CNN2: variants seen among roughly 807,000 people sequenced by gnomAD.
CNN2 encodes the protein calponin 2, also known as calponin-2.
Under a neutral mutation model 31.0 loss-of-function variants are expected in CNN2, and 21 were observed. The observed-to-expected ratio is 0.68, with a 90% CI of 0.48 to 0.98. The LOEUF is 0.98. CNN2 is among the 50% of genes least tolerant of loss of function. The pLI is 0.00. For missense variants in CNN2, 399 were observed against 427.3 expected (o/e 0.93, Z 0.58); for synonymous variants, 165 against 179.6 (o/e 0.92, Z 0.65).
chr19:1,029,926 T>C (rs948615188), intron 1 of CNN2, among the ~76,000 whole-genome samples: 2 of 152,108 alleles, frequency 1.3e-5, no homozygotes, highest in Non-Finnish European at 2.9e-5. Flanking sequence ...CTCGAACTCC[T>C]GACCTCAGAT....
chr19:1,031,303 C>T (rs1448774290), intron 2 of CNN2, 111 bp downstream of exon 2: 3 of 683,872 alleles, frequency 4.4e-6, no homozygotes, highest in Non-Finnish European at 5.7e-6. Flanking sequence ...CTGGCTCATG[C>T]CTGTAATCCC....
At position 1,036,773 on chromosome 19, in the gene CNN2, T is replaced by TTA. The variant is rs1187876480; in HGVS notation, c.654+211_654+212insTA. The TTA allele has an allele frequency of 6.2e-6, 4 of 643,556 alleles. No individual in the cohort carries two copies. The African/African-American group carries it at 7.2e-5, about 12-fold the overall frequency. The allele number at this position is 643,556 out of a possible 1,614,324, so 39.9% of individuals were successfully genotyped here. On this transcript the variant is annotated intron_variant, in intron 6 of 6. Coordinates refer to ENST00000263097, the MANE Select transcript of CNN2 (RefSeq NM_004368.4). Reference sequence around the variant, plus strand: ...CCTGGCTGTGGGTCTCTAGGGAAGTTACTACCTCACCCTGTGTCATTTTCC... The same window carrying TTA: ...CCTGGCTGTGGGTCTCTAGGGAAGTTTAACTACCTCACCCTGTGTCATTTTCC...
chr19:1,029,340 T>C (rs1414181223), intron 1 of CNN2, among the ~76,000 whole-genome samples: 1 of 80,756 alleles, frequency 1.2e-5, no homozygotes, highest in Non-Finnish European at 2.2e-5. Context: ...CAGGGGACCC[T>C]ACCCAAATCA....
intron 1 of CNN2, among the ~76,000 whole-genome samples, chr19:1,030,552 G>C (rs993970022): frequency 6.6e-6 from 1 of 152,170 alleles, no homozygotes; most frequent in Admixed American, 6.5e-5. Flanking sequence ...CCTGAACCGG[G>C]GAGGCGGAGC....
chr19:1,030,839 CG>C (rs1263070195), intron 1 of CNN2: 3 of 455,540 alleles, frequency 6.6e-6, no homozygotes, highest in African/African-American at 4.0e-5. Context: ...AGTTCTAAGC[CG>C]GTTGTCGGCC....
chr19:1,030,163 A>C (rs78812031), intron 1 of CNN2, among the ~76,000 whole-genome samples: 31,916 of 151,942 alleles, frequency 0.21, 4,127 homozygotes, highest in African/African-American at 0.37. Flanking sequence ...GTGCACACCC[A>C]CTGCCCAGGA....
At chr19:1,029,672 G>A (rs1239261552) in intron 1 of CNN2, among the ~76,000 whole-genome samples, 1 of 151,898 alleles carries the variant, frequency 6.6e-6, no homozygotes, top group South Asian at 2.1e-4. Flanking sequence ...AGCAGGGAGA[G>A]GGATTTGATT....
At chr19:1,030,054 T>A (rs959315382) in intron 1 of CNN2, among the ~76,000 whole-genome samples, 2 of 152,132 alleles carry the variant, frequency 1.3e-5, no homozygotes, top group South Asian at 4.1e-4. Flanking sequence ...CTACACGACC[T>A]GCCCCCATGC....
intron 6 of CNN2, 134 bp from the exon 7 acceptor site, chr19:1,037,491 G>A (rs2039609088): frequency 9.0e-7 from 1 of 1,106,234 alleles, no homozygotes. Flanking sequence ...AGGCTGGACT[G>A]GAACTCCTGA....
chr19:1,030,942 G>GGGGA, intron 1 of CNN2, 129 bp from the exon 2 acceptor site: 1 of 1,192,970 alleles, frequency 8.4e-7, no homozygotes, highest in Non-Finnish European at 1.2e-6. Flanking sequence ...TGTGGTGAGG[G>GGGGA]GGGACCTCCA....
intron 2 of CNN2, among the ~76,000 whole-genome samples, chr19:1,031,653 T>C (rs1168800002): frequency 1.4e-5 from 2 of 147,186 alleles, no homozygotes; most frequent in Admixed American, 1.3e-4. Context: ...CTCACTCTGT[T>C]GCCCAAGCTG....
In CNN2 at chr19:1,036,040, G is replaced by A. The variant is rs534458062; in HGVS notation, c.391-90G>A. On this transcript the variant is annotated intron_variant, in intron 4 of 6. Transcript: ENST00000263097. ...GCGCGGCAGGCAGAGGTGACAGGCC[G>A]CGGCCTGGTCTCTGTCCCGCCCCCA... is the stretch of plus-strand genomic sequence containing the variant. The A allele has an allele frequency of 2.6e-5, 38 of 1,467,690 alleles. No homozygotes were observed. The Admixed American group carries it at 3.5e-4, about 14-fold the overall frequency. The allele number at this position is 1,467,690 out of a possible 1,614,324, so 90.9% of individuals were successfully genotyped here.
chr19:1,036,116 T>C lies in CNN2; in HGVS notation c.391-14T>C. On this transcript the variant is annotated splice_polypyrimidine_tract_variant and intron_variant, in intron 4 of 6. Transcript: ENST00000263097. ...GCCCTCTGCTGGTACTCCCGGCCCCTTTCCCTCACCCAGGCCAAGACTAAG... is the reference window on the plus strand; with the variant it reads ...GCCCTCTGCTGGTACTCCCGGCCCCCTTCCCTCACCCAGGCCAAGACTAAG... The C allele has an allele frequency of 1.3e-6, 2 of 1,586,856 alleles. No homozygotes were observed. Among genetic ancestry groups the C allele is most frequent in the Non-Finnish European group, 1.7e-6 (2 of 1,165,888 alleles).
intron 4 of CNN2, among the ~76,000 whole-genome samples, chr19:1,035,553 C>T (rs912424645): frequency 1.3e-5 from 2 of 152,156 alleles, no homozygotes; most frequent in South Asian, 2.1e-4. Context: ...GCGAAAACCA[C>T]GTCCCCATCC....
At chr19:1,028,699 C>A (rs946018767) in intron 1 of CNN2, among the ~76,000 whole-genome samples, 1 of 95,356 alleles carries the variant, frequency 1.0e-5, no homozygotes, top group Non-Finnish European at 2.3e-5. Flanking sequence ...GGCCGGGCAG[C>A]GGGGGGGCGG....
rs536524090 is a variant in CNN2, at chr19:1,031,564, CAAAAAAAAAA to C, written c.185+389_185+398del. ...GGGGTGACACAGCGAGACTCCATCT[CAAAAAAAAAA>C]AAAAAAAAAAAAAAAAGTTAGCTGG... On this transcript the variant is annotated intron_variant, in intron 2 of 6. Transcript: ENST00000263097. Among the ~76,000 whole-genome samples the C allele has an allele frequency of 6.0e-5, 4 of 66,326 alleles. 1 individual carries two copies. The South Asian group carries it at 1.8e-3, about 29-fold the overall frequency. 43.5% of individuals were successfully genotyped at this position (66,326 alleles called of 152,430 possible). A position where few individuals can be genotyped will look rare whatever the true frequency, so the allele number is the denominator to read the frequency against.
intron 4 of CNN2, among the ~76,000 whole-genome samples, chr19:1,035,111 G>A (rs1322097294): frequency 7.3e-6 from 1 of 136,318 alleles, no homozygotes; most frequent in Admixed American, 7.6e-5. Flanking sequence ...TGGTGTAGAC[G>A]GGGAGCGTGG....
Position 1,038,079 on chromosome 19 carries a change from G to C in CNN2, c.*179G>C. The C allele has an allele frequency of 1.6e-6, 1 of 644,508 alleles. No individual in the cohort carries two copies. The highest frequency in any genetic ancestry group is 2.6e-6 in the Non-Finnish European group (1 of 389,266). 39.9% of individuals were successfully genotyped at this position (644,508 alleles called of 1,614,324 possible). A position where few individuals can be genotyped will look rare whatever the true frequency, so the allele number is the denominator to read the frequency against. On this transcript the variant is annotated 3_prime_UTR_variant, in exon 7 of 7. Transcript: ENST00000263097. ...TTTTTCCCCTTTGCCTTGATCCTTC[G>C]CAAGGCTGAGCCACTGGGCTGTGGG...
chr19:1,038,538 A>G lies in CNN2; in HGVS notation c.*638A>G. On this transcript the variant is annotated 3_prime_UTR_variant, in exon 7 of 7. Coordinates refer to ENST00000263097, the MANE Select transcript of CNN2 (RefSeq NM_004368.4). ...GTGAAATTCTGAGTTGTTGGGGCTA[A>G]GCCTGACCCCCTCTCCATGCTCCCC... The G allele has an allele frequency of 6.6e-6, 1 of 152,382 alleles. No homozygotes were observed. Among genetic ancestry groups the G allele is most frequent in the African/African-American group, 2.4e-5 (1 of 41,528 alleles). 9.4% of individuals were successfully genotyped at this position (152,382 alleles called of 1,614,324 possible). A position where few individuals can be genotyped will look rare whatever the true frequency, so the allele number is the denominator to read the frequency against.
Sources: allele counts gnomAD v4.1 joint callset (sites outside exome capture counted in the v4.1 genomes callset), GRCh38; gene constraint gnomAD v4.1.1; transcripts MANE v1.5; gene names NCBI Gene and HGNC (gene_info 2026-07-23, HGNC 2026-07-21).